SPATA6: variants seen among roughly 807,000 people sequenced by gnomAD.
The protein encoded by SPATA6 is spermatogenesis associated 6.
A neutral mutation model predicts 65.3 loss-of-function variants in SPATA6; 56 were observed. The ratio of observed to expected loss-of-function variants is 0.86; its 90% confidence interval spans 0.69 to 1.07. SPATA6 has a LOEUF of 1.07. SPATA6 is among the 50% of genes least tolerant of loss of function. The pLI, the probability that SPATA6 is intolerant of heterozygous loss-of-function variation, is 0.00. For missense variants in SPATA6, 590 were observed against 594.8 expected (o/e 0.99, Z 0.08); for synonymous variants, 199 against 213.2 (o/e 0.93, Z 0.58).
At chr1:48,341,714 G>A (rs1402528872) in intron 11 of SPATA6, among the ~76,000 whole-genome samples, 2 of 152,122 alleles carry the variant, frequency 1.3e-5, no homozygotes, top group Non-Finnish European at 2.9e-5. Flanking sequence ...CTATTCCTGG[G>A]ATTGTAAAGA....
At chr1:48,368,192 T>G (rs1310101240) in intron 9 of SPATA6, among the ~76,000 whole-genome samples, 1 of 152,208 alleles carries the variant, frequency 6.6e-6, no homozygotes, top group Non-Finnish European at 1.5e-5. Context: ...CTTCCCTCTG[T>G]GGGTAACCCG....
At chr1:48,386,017 A>C (rs915579009) in intron 8 of SPATA6, among the ~76,000 whole-genome samples, 2 of 152,196 alleles carry the variant, frequency 1.3e-5, no homozygotes, top group African/African-American at 4.8e-5. Flanking sequence ...CATCATTACT[A>C]TCAAATGTAA....
chr1:48,375,868 A>C (rs746728274), intron 9 of SPATA6, among the ~76,000 whole-genome samples: 5 of 152,184 alleles, frequency 3.3e-5, no homozygotes, highest in Admixed American at 6.5e-5. Flanking sequence ...AATTTTTTAT[A>C]TAAATAAAAC....
the SPATA6 span, among the ~76,000 whole-genome samples, chr1:48,277,892 G>C: frequency 6.6e-6 from 1 of 152,222 alleles, no homozygotes; most frequent in African/African-American, 2.4e-5. Flanking sequence ...GTGGGTCCCT[G>C]ACCACTGACC....
intron 11 of SPATA6, among the ~76,000 whole-genome samples, chr1:48,328,713 T>C (rs1645833877): frequency 6.6e-6 from 1 of 152,182 alleles, no homozygotes; most frequent in African/African-American, 2.4e-5. Flanking sequence ...GTAAAAGCCA[T>C]TGAACTGTGT....
chr1:48,276,066 G>A, the SPATA6 span, among the ~76,000 whole-genome samples: 1 of 152,074 alleles, frequency 6.6e-6, no homozygotes, highest in Non-Finnish European at 1.5e-5. Context: ...GTCTTGGGAA[G>A]GTGTCTGTGT....
chr1:48,280,595 A>C, the SPATA6 span, among the ~76,000 whole-genome samples: 138 of 152,348 alleles, frequency 9.1e-4, 1 homozygote, highest in African/African-American at 3.2e-3. Flanking sequence ...TAAATGGATA[A>C]ATTCCTCGAC....
chr1:48,334,584 A>G (rs988916925), intron 11 of SPATA6, among the ~76,000 whole-genome samples: 2 of 152,134 alleles, frequency 1.3e-5, no homozygotes, highest in African/African-American at 4.8e-5. Flanking sequence ...AAATTCAACA[A>G]TCCTTCATGT....
intron 3 of SPATA6, among the ~76,000 whole-genome samples, chr1:48,424,904 G>C (rs1382105978): frequency 6.6e-6 from 1 of 152,052 alleles, no homozygotes; most frequent in African/African-American, 2.4e-5. Context: ...CTTATCAGAG[G>C]GGCAGTTTGT....
chr1:48,342,640 A>G (rs950315847), intron 11 of SPATA6, among the ~76,000 whole-genome samples: 13 of 151,658 alleles, frequency 8.6e-5, no homozygotes, highest in Admixed American at 2.0e-4. Context: ...AAGAATAAAT[A>G]TGACTCAATT....
intron 11 of SPATA6, among the ~76,000 whole-genome samples, chr1:48,335,903 T>C (rs1646046421): frequency 6.6e-6 from 1 of 151,888 alleles, no homozygotes; most frequent in African/African-American, 2.4e-5. Context: ...AGATCTAACA[T>C]CTAGAATCTA....
At chr1:48,312,372 C>T (rs1375906280) in intron 11 of SPATA6, among the ~76,000 whole-genome samples, 1 of 152,158 alleles carries the variant, frequency 6.6e-6, no homozygotes, top group African/African-American at 2.4e-5. Flanking sequence ...GATCAGGCAG[C>T]AACATTTGCT....
chr1:48,338,217 G>A (rs141132025), intron 11 of SPATA6, among the ~76,000 whole-genome samples: 27 of 152,084 alleles, frequency 1.8e-4, no homozygotes, highest in African/African-American at 5.5e-4. Flanking sequence ...TAAACACAGC[G>A]GAGGGGTAAA....
intron 3 of SPATA6, among the ~76,000 whole-genome samples, chr1:48,427,434 CAAAAAAAAA>C (rs760835892): frequency 1.5e-5 from 1 of 67,610 alleles, no homozygotes; most frequent in Non-Finnish European, 3.3e-5. Context: ...AAAATTGAGG[CAAAAAAAAA>C]AAAAAAAGAA....
intron 11 of SPATA6, among the ~76,000 whole-genome samples, chr1:48,338,274 A>G (rs1009675059): frequency 3.3e-5 from 5 of 152,026 alleles, no homozygotes; most frequent in Admixed American, 3.3e-4. Context: ...TTTGACAAGC[A>G]ATGCTTCTGT....
chr1:48,373,484 C>T (rs1647531414), intron 9 of SPATA6, among the ~76,000 whole-genome samples: 1 of 152,226 alleles, frequency 6.6e-6, no homozygotes, highest in Non-Finnish European at 1.5e-5. Context: ...CCCACATTTT[C>T]CTGTCTTCTT....
intron 12 of SPATA6, among the ~76,000 whole-genome samples, chr1:48,301,741 T>A (rs1226647857): frequency 6.6e-6 from 1 of 152,124 alleles, no homozygotes; most frequent in African/African-American, 2.4e-5. Context: ...TACAGTAAAC[T>A]CATTTTTTAC....
At chr1:48,388,270 C>A (rs1377503997) in intron 8 of SPATA6, among the ~76,000 whole-genome samples, 1 of 152,112 alleles carries the variant, frequency 6.6e-6, no homozygotes, top group East Asian at 1.9e-4. Flanking sequence ...GACTACACCA[C>A]TGCATGCACC....
At chr1:48,283,639 A>C in the SPATA6 span, among the ~76,000 whole-genome samples, 1 of 138,600 alleles carries the variant, frequency 7.2e-6, no homozygotes, top group African/African-American at 2.7e-5. Context: ...AGATCACGCC[A>C]CTGCAATCTA....
Sources: gnomAD v4.1 joint callset for allele counts (sites outside exome capture counted in the v4.1 genomes callset) on GRCh38, gnomAD v4.1.1 for gene constraint, MANE v1.5 for transcripts, NCBI Gene and HGNC (gene_info 2026-07-23, HGNC 2026-07-21) for gene names.